CASR: variants seen among roughly 807,000 people sequenced by gnomAD.
CASR encodes the protein calcium sensing receptor.
Under a neutral mutation model 69.1 loss-of-function variants are expected in CASR, and 23 were observed. That is an observed-to-expected ratio of 0.33 (90% CI 0.24 to 0.47). The LOEUF (loss-of-function observed/expected upper bound fraction) is 0.47. CASR is among the 20% of genes least tolerant of loss of function. CASR has a pLI of 1.00. For synonymous variants in CASR, 541 were observed against 544.7 expected (o/e 0.99, Z 0.10); for missense variants, 924 against 1,356.1 (o/e 0.68, Z 5.00).
At position 122,261,961 on chromosome 3, in the gene CASR, A is replaced by T. The variant is rs1576858741; in HGVS notation, c.926A>T (p.Gln309Leu). The change falls in exon 4 of 7, where the codon CAG (glutamine) becomes CTG (leucine). Residue 309 changes from glutamine to leucine, a missense_variant. Gln to Leu is a moderately radical substitution (Grantham distance 113). Transcript: ENST00000639785. ...AGCTCCTCCCTGATCGCCATGCCTCAGTACTTCCACGTGGTTGGCGGCACC... is the reference window on the plus strand; with the variant it reads ...AGCTCCTCCCTGATCGCCATGCCTCTGTACTTCCACGTGGTTGGCGGCACC... Reference protein sequence around the residue: ...WASSSLIAMPQYFHVVGGTIG... With the variant: ...WASSSLIAMPLYFHVVGGTIG... 2 of 1,614,206 alleles carry T rather than the reference A, an allele frequency of 1.2e-6. No individual in the cohort carries two copies. Among genetic ancestry groups the T allele is most frequent in the Non-Finnish European group, 1.7e-6 (2 of 1,180,004 alleles).
chr3:122,212,280 C>T (rs1048689161), intron 1 of CASR, among the ~76,000 whole-genome samples: 2 of 152,114 alleles, frequency 1.3e-5, no homozygotes, highest in Non-Finnish European at 2.9e-5. Context: ...GAGCTGGAAG[C>T]CATTATCCTC....
At chr3:122,235,465 A>G (rs1035234763) in intron 1 of CASR, among the ~76,000 whole-genome samples, 1 of 152,224 alleles carries the variant, frequency 6.6e-6, no homozygotes, top group Non-Finnish European at 1.5e-5. Context: ...AGATGTTAGC[A>G]GTTATTTTGC....
chr3:122,211,961 G>A (rs1321887282), intron 1 of CASR, among the ~76,000 whole-genome samples: 1 of 152,190 alleles, frequency 6.6e-6, no homozygotes, highest in Non-Finnish European at 1.5e-5. Context: ...CATTGTTAGT[G>A]TAATGCAAAT....
chr3:122,201,916 A>G (rs2073957649), intron 1 of CASR, among the ~76,000 whole-genome samples: 1 of 146,566 alleles, frequency 6.8e-6, no homozygotes, highest in African/African-American at 2.6e-5. Context: ...CCGGGCAGAG[A>G]CGCTCCTCAC....
At chr3:122,224,606 G>A (rs2074204663) in intron 1 of CASR, among the ~76,000 whole-genome samples, 1 of 152,154 alleles carries the variant, frequency 6.6e-6, no homozygotes, top group Non-Finnish European at 1.5e-5. Context: ...TCATTAAAAT[G>A]TCCACACTGC....
At chr3:122,226,944 A>G (rs1474199166) in intron 1 of CASR, among the ~76,000 whole-genome samples, 1 of 152,100 alleles carries the variant, frequency 6.6e-6, no homozygotes, top group Non-Finnish European at 1.5e-5. Flanking sequence ...TCAGCTAGAC[A>G]TAAAGGTTCT....
At chr3:122,187,644 AG>A (rs1341446191) in intron 1 of CASR, among the ~76,000 whole-genome samples, 1 of 152,226 alleles carries the variant, frequency 6.6e-6, no homozygotes, top group Non-Finnish European at 1.5e-5. Context: ...AGGTTCTTGG[AG>A]GAGGTAACGC....
chr3:122,284,899 CT>C lies in CASR; in HGVS notation c.2946del (p.Gln983ArgfsTer25), dbSNP rs762357323. 1.9e-6 allele frequency: 3 copies of C among 1,614,188 alleles called. No individual in the cohort carries two copies. Among genetic ancestry groups the C allele is most frequent in the Non-Finnish European group, 2.5e-6 (3 of 1,180,018 alleles). On this transcript the variant is annotated frameshift_variant, in exon 7 of 7. Transcript: ENST00000639785. LOFTEE classifies it low-confidence loss of function (END_TRUNC). ...TVTFSLSFDE[P>X]QKNAMAHRNS... ...ACCTTCTCACTGAGCTTTGATGAGC[CT>C]CAGAAGAACGCCATGGCCCACAGGA...
At chr3:122,197,583 T>A (rs1351652931) in intron 1 of CASR, among the ~76,000 whole-genome samples, 1 of 152,224 alleles carries the variant, frequency 6.6e-6, no homozygotes, top group Admixed American at 6.5e-5. Flanking sequence ...ATAACTCTTT[T>A]TTTCTTAATT....
chr3:122,193,952 C>T (rs1206751273), intron 1 of CASR, among the ~76,000 whole-genome samples: 1 of 152,114 alleles, frequency 6.6e-6, no homozygotes, highest in Non-Finnish European at 1.5e-5. Context: ...CAATAACCCT[C>T]ATTTAAGTGA....
At chr3:122,184,481 C>T (rs997126276) in intron 1 of CASR, 1 of 152,816 alleles carries the variant, frequency 6.5e-6, no homozygotes, top group South Asian at 2.1e-4. Context: ...GACCCACGGC[C>T]GAGGGGCCGG....
chr3:122,201,426 C>T (rs866685749), intron 1 of CASR, among the ~76,000 whole-genome samples: 28 of 152,322 alleles, frequency 1.8e-4, no homozygotes, highest in Middle Eastern at 6.8e-3. Flanking sequence ...AGCAACCATC[C>T]GATTTCTCAA....
intron 5 of CASR, among the ~76,000 whole-genome samples, chr3:122,278,894 T>C (rs2074853869): frequency 6.6e-6 from 1 of 152,206 alleles, no homozygotes; most frequent in Non-Finnish European, 1.5e-5. Flanking sequence ...TCGTTATTTA[T>C]ACTCCTCTTT....
chr3:122,196,361 A>G (rs943556101), intron 1 of CASR, among the ~76,000 whole-genome samples: 2 of 152,232 alleles, frequency 1.3e-5, no homozygotes, highest in African/African-American at 2.4e-5. Flanking sequence ...AAACTAGGAC[A>G]TGAATATGTA....
In CASR at chr3:122,285,195, G is replaced by A. The variant is rs1165464823; in HGVS notation, c.*4G>A. On this transcript the variant is annotated 3_prime_UTR_variant, in exon 7 of 7. Coordinates refer to ENST00000639785, the MANE Select transcript of CASR (RefSeq NM_000388.4). ...AGAAAACGTAGTGAATTCATAAAAT[G>A]GAAGGAGAAGACTGGGCTAGGGAGA... is the stretch of plus-strand genomic sequence containing the variant. 6.2e-7 allele frequency: 1 copy of A among 1,613,686 alleles called. No individual in the cohort carries two copies. Among genetic ancestry groups the A allele is most frequent in the East Asian group, 2.2e-5 (1 of 44,888 alleles).
intron 1 of CASR, among the ~76,000 whole-genome samples, chr3:122,209,028 A>G (rs1372766096): frequency 6.6e-6 from 1 of 152,190 alleles, no homozygotes; most frequent in Non-Finnish European, 1.5e-5. Flanking sequence ...AGGATTTCTA[A>G]GTCCCCAGCC....
chr3:122,250,925 T>C (rs1233794325), intron 1 of CASR, among the ~76,000 whole-genome samples: 1 of 152,188 alleles, frequency 6.6e-6, no homozygotes, highest in Non-Finnish European at 1.5e-5. Context: ...CCTGAGGATA[T>C]AAACATGCAT....
In CASR at chr3:122,291,365, A is replaced by G. The variant is rs2075010798; in HGVS notation, c.*6174A>G. 1 of 150,954 alleles carries G rather than the reference A, an allele frequency of 6.6e-6. No homozygotes were observed. Among genetic ancestry groups the G allele is most frequent in the Non-Finnish European group, 1.5e-5 (1 of 67,720 alleles). The allele number at this position is 150,954 out of a possible 1,614,324, so 9.4% of individuals were successfully genotyped here. The stretch of plus-strand genomic sequence containing the variant: ...CCACCAACAGTGTAAAAGTGTTCCT[A>G]TTTCTCCACATCCTCTCCAGCACCT... On this transcript the variant is annotated 3_prime_UTR_variant, in exon 7 of 7. Coordinates refer to ENST00000639785, the MANE Select transcript of CASR (RefSeq NM_000388.4).
At chr3:122,223,290 T>C (rs1376675349) in intron 1 of CASR, among the ~76,000 whole-genome samples, 1 of 152,056 alleles carries the variant, frequency 6.6e-6, no homozygotes, top group Admixed American at 6.5e-5. Context: ...TTAAGTGAGA[T>C]GGATAGGCCA....
Sources: allele counts gnomAD v4.1 joint callset (sites outside exome capture counted in the v4.1 genomes callset), GRCh38; gene constraint gnomAD v4.1.1; transcripts MANE v1.5; gene names NCBI Gene and HGNC (gene_info 2026-07-23, HGNC 2026-07-21).